The following GATA3 variants were observed in gnomAD, a reference collection of about 807,000 sequenced individuals.
GATA3 encodes the protein GATA binding protein 3, also known as trans-acting T-cell-specific transcription factor GATA-3.
GATA3 carries 6 observed loss-of-function variants against 36.0 expected under a neutral mutation model. That is an observed-to-expected ratio of 0.17 (90% CI 0.09 to 0.33). The LOEUF is 0.33. Ranked by LOEUF, GATA3 falls within the 10% of genes least tolerant of loss-of-function variation. GATA3 has a pLI of 1.00. For synonymous variants in GATA3, 326 were observed against 273.0 expected, an observed-to-expected ratio of 1.19 and a Z score of -1.92; for missense variants, 514 against 610.1, an observed-to-expected ratio of 0.84 and a Z score of 1.66.
At chr10:8,065,884 G>T (rs1330739056) in intron 4 of GATA3, among the ~76,000 whole-genome samples, 1 of 57,322 alleles carries the variant, frequency 1.7e-5, no homozygotes, top group Non-Finnish European at 3.8e-5. Flanking sequence ...AAAAAAAAAA[G>T]GCTAGAGGTG....
chr10:8,055,938 A>G lies in GATA3; in HGVS notation c.241+42A>G. 1 of 1,549,674 alleles carries G rather than the reference A, an allele frequency of 6.5e-7. No individual in the cohort carries two copies. On this transcript the variant is annotated intron_variant, in intron 2 of 5. Coordinates refer to ENST00000379328, the MANE Select transcript of GATA3 (RefSeq NM_001002295.2). The surrounding 1 kb of genome is among the most constrained non-coding windows in gnomAD (Gnocchi z 5.4). ...TGCCGGGGCTCCCGCCGGCCGCTTCAGCCGTCCCGGCTCGGGGAGGTCGGG... is the reference window on the plus strand; with the variant it reads ...TGCCGGGGCTCCCGCCGGCCGCTTCGGCCGTCCCGGCTCGGGGAGGTCGGG...
In GATA3 at chr10:8,055,973, A is replaced by G; in HGVS notation, c.241+77A>G. Reference sequence around the variant, plus strand: ...GCTCGGGGAGGTCGGGAGGGACCTGAGGGCGGGGAGAGGTCAAGCGAAAGC... The same window carrying G: ...GCTCGGGGAGGTCGGGAGGGACCTGGGGGCGGGGAGAGGTCAAGCGAAAGC... On this transcript the variant is annotated intron_variant, in intron 2 of 5. Coordinates refer to ENST00000379328, the MANE Select transcript of GATA3 (RefSeq NM_001002295.2). This position sits in a 1 kb window ranked among gnomAD's most constrained non-coding sequence, Gnocchi z 5.4. 6.5e-7 allele frequency: 1 copy of G among 1,532,642 alleles called. No homozygotes were observed. The highest frequency in any genetic ancestry group is 8.8e-7 in the Non-Finnish European group (1 of 1,132,268). 94.9% of individuals were successfully genotyped at this position (1,532,642 alleles called of 1,614,324 possible). A position where few individuals can be genotyped will look rare whatever the true frequency, so the allele number is the denominator to read the frequency against.
rs1481277404 is a variant in GATA3 at position 8,054,711 on chromosome 10, T to A, written c.-550T>A. ...GCGAACACTGAGCTGCCTGGCGCCG[T>A]CTTGATACTTTCAGAAAGAATGCAT... is the stretch of plus-strand genomic sequence containing the variant. On this transcript the variant is annotated 5_prime_UTR_variant, in exon 1 of 6. Coordinates refer to ENST00000379328, the MANE Select transcript of GATA3 (RefSeq NM_001002295.2). This position sits in a 1 kb window ranked among gnomAD's most constrained non-coding sequence, Gnocchi z 4.2. 2.7e-5 allele frequency: 4 copies of A among 149,636 alleles called. No individual in the cohort carries two copies. Among genetic ancestry groups the A allele is most frequent in the Admixed American group, 2.7e-4 (4 of 15,088 alleles). 9.3% of individuals were successfully genotyped at this position (149,636 alleles called of 1,614,324 possible). A position where few individuals can be genotyped will look rare whatever the true frequency, so the allele number is the denominator to read the frequency against.
At chr10:8,070,205 G>A (rs1408817783) in intron 5 of GATA3, among the ~76,000 whole-genome samples, 1 of 152,182 alleles carries the variant, frequency 6.6e-6, no homozygotes, top group African/African-American at 2.4e-5. Context: ...TGAGGAAGGT[G>A]GCTGGCCTGG....
chr10:8,052,575 G>T (rs1218945775), upstream of GATA3: 4 of 152,224 alleles, frequency 2.6e-5, no homozygotes, highest in African/African-American at 7.2e-5. Context: ...GGCTCACGCT[G>T]CGTGGCGCAT....
intron 3 of GATA3, among the ~76,000 whole-genome samples, chr10:8,059,976 G>A (rs572079251): frequency 1.3e-5 from 2 of 152,244 alleles, no homozygotes; most frequent in South Asian, 2.1e-4. Context: ...GAAAGCAATC[G>A]TGAAAATCAC....
chr10:8,067,054 T>A (rs1832854486), intron 4 of GATA3, among the ~76,000 whole-genome samples: 1 of 151,690 alleles, frequency 6.6e-6, no homozygotes, highest in Admixed American at 6.6e-5. Context: ...AAAAACACTA[T>A]AGGAAGATAA....
chr10:8,056,039 G>T (rs1832631094), intron 2 of GATA3, 143 bp downstream of exon 2: 1 of 1,158,584 alleles, frequency 8.6e-7, no homozygotes, highest in Non-Finnish European at 1.2e-6. Flanking sequence ...AAAAATTGGG[G>T]CCCGGAAATG....
At position 8,072,067 on chromosome 10, in the gene GATA3, G is replaced by A. The variant is rs543735569; in HGVS notation, c.1051-1672G>A. ...AACTTTGAAGAAGGAACCTGGAGAT[G>A]TTCCTCTGGCAGTGACCTTTCTGGG... On this transcript the variant is annotated intron_variant, in intron 5 of 5. Coordinates refer to ENST00000379328, the MANE Select transcript of GATA3 (RefSeq NM_001002295.2). 2.0e-5 allele frequency among the ~76,000 whole-genome samples: 3 copies of A among 152,296 alleles called. No homozygotes were observed. In the South Asian group the frequency reaches 6.2e-4, roughly 32 times the overall value.
exon 1 of GATA3, chr10:8,045,443 T>C (rs1832375808): frequency 1.3e-5 from 2 of 152,476 alleles, no homozygotes; most frequent in South Asian, 4.2e-4. Context: ...GCCTGTCATT[T>C]CTGCCTTCAG....
Position 8,055,859 on chromosome 10 carries a change from C to A in GATA3, c.204C>A (p.Val68=). ...TCCCGCCCTACTACGGAAACTCGGT[C>A]AGGGCCACGGTGCAGAGGTACCCTC... ...NHVPPYYGNS[V]RATVQRYPPT... The change falls in exon 2 of 6, where the codon GTC becomes GTA. Residue 68 remains valine, a synonymous_variant. Transcript: ENST00000379328. This position sits in a 1 kb window ranked among gnomAD's most constrained non-coding sequence, Gnocchi z 5.4. 6.3e-7 allele frequency: 1 copy of A among 1,574,888 alleles called. No individual in the cohort carries two copies. The highest frequency in any genetic ancestry group is 1.2e-5 in the South Asian group (1 of 85,904).
At chr10:8,069,690 A>C in intron 5 of GATA3, 92 bp downstream of exon 5, 29 of 1,436,014 alleles carry the variant, frequency 2.0e-5, no homozygotes, top group Non-Finnish European at 2.4e-5. Flanking sequence ...TGAATCGCTC[A>C]CCATGGGGGC....
upstream of GATA3, among the ~76,000 whole-genome samples, chr10:8,052,046 G>C (rs1200705118): frequency 6.6e-6 from 1 of 152,152 alleles, no homozygotes; most frequent in Non-Finnish European, 1.5e-5. Flanking sequence ...GTGTGGCGTC[G>C]GCGAGACTGG....
chr10:8,065,390 T>C (rs996606707), intron 4 of GATA3, among the ~76,000 whole-genome samples: 11 of 151,194 alleles, frequency 7.3e-5, no homozygotes, highest in African/African-American at 2.4e-4. Context: ...CCTGAATAGC[T>C]GGGAGTAGGG....
chr10:8,062,869 G>A lies in GATA3; in HGVS notation c.779-1124G>A, dbSNP rs553207777. On this transcript the variant is annotated intron_variant, in intron 3 of 5. Transcript: ENST00000379328. ...GCGCTAGAGACCCGTGTGTCCCTGG[G>A]TCCCCCAAAACCAAGGAGATTCTCC... Among the ~76,000 whole-genome samples, 15 of 152,196 alleles carry A rather than the reference G, an allele frequency of 9.9e-5. 2 individuals are homozygous for A. Among genetic ancestry groups the A allele is most frequent in the African/African-American group, 3.4e-4 (14 of 41,542 alleles).
intron 5 of GATA3, among the ~76,000 whole-genome samples, chr10:8,072,117 C>T (rs1832939809): frequency 1.3e-5 from 2 of 152,194 alleles, no homozygotes; most frequent in Admixed American, 1.3e-4. Flanking sequence ...GTCACGTTGC[C>T]TTCCTGGGCT....
rs1312400541 is a variant in GATA3 at position 8,058,161 on chromosome 10, C to T, written c.242-144C>T. ...GCCAGGCAGGTACTCCGGGGACCGC[C>T]AGGATGAGAGAGTGGGCCTGAGCCC... On this transcript the variant is annotated intron_variant, in intron 2 of 5. Transcript: ENST00000379328. 8 of 828,804 alleles carry T rather than the reference C, an allele frequency of 9.7e-6. No individual in the cohort carries two copies. In the East Asian group the frequency reaches 1.1e-4, roughly 11 times the overall value. 51.3% of individuals were successfully genotyped at this position (828,804 alleles called of 1,614,324 possible).
At position 8,058,684 on chromosome 10, in the gene GATA3, C is replaced by T. The variant is rs2229359; in HGVS notation, c.621C>T (p.Ala207=). The part of the protein sequence containing the change: ...ESSHSRGSMT[A]LGGASSSTHH... Reference sequence around the variant, plus strand: ...CCCACTCCCGTGGCAGCATGACCGCCCTGGGTGGAGCCTCCTCGTCGACCC... The same window carrying T: ...CCCACTCCCGTGGCAGCATGACCGCTCTGGGTGGAGCCTCCTCGTCGACCC... The change falls in exon 3 of 6, where the codon GCC becomes GCT. Residue 207 remains alanine, a synonymous_variant. Transcript: ENST00000379328. The T allele has an allele frequency of 0.062, 100,732 of 1,613,182 alleles. 3,788 individuals carry two copies. The highest frequency in any genetic ancestry group is 0.074 in the Non-Finnish European group (87,037 of 1,179,956).
intron 4 of GATA3, 129 bp downstream of exon 4, chr10:8,064,267 A>AT: frequency 4.5e-5 from 35 of 773,642 alleles, no homozygotes; most frequent in African/African-American, 1.8e-4. Flanking sequence ...GGCTTGGGAC[A>AT]GTTTTTTTTT....
Sources: gnomAD v4.1 joint callset for allele counts (sites outside exome capture counted in the v4.1 genomes callset) on GRCh38, gnomAD v4.1.1 for gene constraint, Gnocchi (gnomAD v3.1) non-coding constraint, MANE v1.5 for transcripts, NCBI Gene and HGNC (gene_info 2026-07-23, HGNC 2026-07-21) for gene names.